The following SGPP2 variants were observed in gnomAD, a reference collection of about 807,000 sequenced individuals.
SGPP2 encodes the protein sphingosine 1-phosphate phosphohydrolase 2.
Under a neutral mutation model 33.9 loss-of-function variants are expected in SGPP2, and 30 were observed. The observed-to-expected ratio is 0.89, with a 90% confidence interval of 0.66 to 1.20. SGPP2 has a LOEUF of 1.20. Among genes scored for constraint, SGPP2 ranks in the 50% most tolerant of loss-of-function variants. The pLI is 0.00. For missense variants in SGPP2, 458 were observed against 532.1 expected (o/e 0.86, Z 1.37); for synonymous variants, 233 against 225.0 (o/e 1.04, Z -0.32).
At chr2:222,531,430 A>C (rs1574881353) in intron 4 of SGPP2, among the ~76,000 whole-genome samples, 1 of 152,224 alleles carries the variant, frequency 6.6e-6, no homozygotes, top group Non-Finnish European at 1.5e-5. Context: ...TCAGAAAAGG[A>C]AATCTTATAT....
chr2:222,498,534 G>A (rs1010698817), intron 2 of SGPP2: 1 of 151,728 alleles, frequency 6.6e-6, no homozygotes, highest in Admixed American at 6.6e-5. Context: ...CAAAACAAAT[G>A]TTGTATTCCG....
At chr2:222,505,256 T>C (rs908507236) in intron 2 of SGPP2, among the ~76,000 whole-genome samples, 4 of 152,188 alleles carry the variant, frequency 2.6e-5, no homozygotes, top group Non-Finnish European at 5.9e-5. Context: ...AAACTAGAGA[T>C]AATCGTATGA....
At chr2:222,553,961 C>T (rs1689343419) in intron 4 of SGPP2, among the ~76,000 whole-genome samples, 1 of 152,118 alleles carries the variant, frequency 6.6e-6, no homozygotes, top group South Asian at 2.1e-4. Flanking sequence ...AGAATGCCCT[C>T]AGAGCTTCAG....
chr2:222,447,647 A>G (rs942612925), intron 1 of SGPP2, among the ~76,000 whole-genome samples: 2 of 152,218 alleles, frequency 1.3e-5, no homozygotes, highest in Non-Finnish European at 2.9e-5. Flanking sequence ...AGAAAACCCT[A>G]TGAGAAGTGA....
intron 2 of SGPP2, among the ~76,000 whole-genome samples, chr2:222,518,308 A>G (rs886969566): frequency 6.6e-6 from 1 of 152,236 alleles, no homozygotes; most frequent in African/African-American, 2.4e-5. Context: ...AATGAAGACA[A>G]AGGAACTCAT....
At chr2:222,510,167 T>C (rs573979415) in intron 2 of SGPP2, among the ~76,000 whole-genome samples, 15 of 152,344 alleles carry the variant, frequency 9.8e-5, no homozygotes, top group Non-Finnish European at 1.6e-4. Context: ...AGAATGAGGC[T>C]ACCAAATGCT....
chr2:222,535,447 G>T (rs529642864), intron 4 of SGPP2, among the ~76,000 whole-genome samples: 1 of 151,976 alleles, frequency 6.6e-6, no homozygotes, highest in Non-Finnish European at 1.5e-5. Context: ...TGAATCCGCT[G>T]CTGGAAGGGC....
chr2:222,547,060 C>T (rs1427930866), intron 4 of SGPP2, among the ~76,000 whole-genome samples: 2 of 152,152 alleles, frequency 1.3e-5, no homozygotes, highest in Non-Finnish European at 2.9e-5. Context: ...GTTTGAAAAG[C>T]ACTGAAACAG....
In SGPP2 at chr2:222,559,395, A is replaced by G; in HGVS notation, c.*497A>G. The stretch of plus-strand genomic sequence containing the variant: ...AAAATGGGAACTTTGGTCTAGGAGA[A>G]GGGGTGGCACCATATGAAACGGCAT... On this transcript the variant is annotated 3_prime_UTR_variant, in exon 5 of 5. Coordinates refer to ENST00000321276, the MANE Select transcript of SGPP2 (RefSeq NM_152386.4). The G allele has an allele frequency of 6.1e-6, 1 of 162,736 alleles. No individual in the cohort carries two copies. The allele number at this position is 162,736 out of a possible 1,614,324, so 10.1% of individuals were successfully genotyped here. A position where few individuals can be genotyped will look rare whatever the true frequency, so the allele number is the denominator to read the frequency against.
intron 4 of SGPP2, among the ~76,000 whole-genome samples, chr2:222,541,245 A>T (rs73991491): frequency 0.024 from 3,615 of 152,348 alleles, 156 homozygotes; most frequent in African/African-American, 0.079. Flanking sequence ...GGAGTTGTGT[A>T]AGAAACGACC....
chr2:222,451,091 C>A (rs1393719245), intron 1 of SGPP2, among the ~76,000 whole-genome samples: 1 of 148,554 alleles, frequency 6.7e-6, no homozygotes, highest in Non-Finnish European at 1.5e-5. Context: ...TCCCCCATTT[C>A]TTTGCTTTTA....
chr2:222,520,722 GA>G (rs369507692), intron 2 of SGPP2, among the ~76,000 whole-genome samples: 496 of 39,700 alleles, frequency 0.012, 6 homozygotes, highest in African/African-American at 0.023. Context: ...GTGAGACTCT[GA>G]AAAAAAAAAA....
At position 222,525,022 on chromosome 2, in the gene SGPP2, C is replaced by A. The variant is rs1383983215; in HGVS notation, c.637C>A (p.His213Asn). 1 of 1,613,906 alleles carries A rather than the reference C, an allele frequency of 6.2e-7. No individual in the cohort carries two copies. Among genetic ancestry groups the A allele is most frequent in the Admixed American group, 1.7e-5 (1 of 60,012 alleles). Residue 213 changes from histidine to asparagine, a missense_variant, in exon 4 of 5, where the codon CAT becomes AAT. Physicochemically the swap from His to Asn is moderately conservative, Grantham distance 68 (BLOSUM62 1). Transcript: ENST00000321276. The part of the protein sequence containing the change: ...VCLSRLYTGM[H>N]TVLDVLGGVL... ...TCTCAGCAGGCTCTACACTGGGATG[C>A]ATACGGTCCTGGTAAGGCTTTGTGG...
chr2:222,484,995 C>T (rs1215909055), intron 2 of SGPP2, among the ~76,000 whole-genome samples: 5 of 152,160 alleles, frequency 3.3e-5, no homozygotes, highest in Non-Finnish European at 5.9e-5. Flanking sequence ...ACTGCCCCTC[C>T]GCTACATGTA....
chr2:222,507,890 T>C (rs58497071), intron 2 of SGPP2, among the ~76,000 whole-genome samples: 6,359 of 152,358 alleles, frequency 0.042, 424 homozygotes, highest in African/African-American at 0.14. Flanking sequence ...TGTCCTGTCA[T>C]GAACATTTAG....
At chr2:222,459,117 CT>C (rs1023109801) in intron 1 of SGPP2, among the ~76,000 whole-genome samples, 18 of 132,630 alleles carry the variant, frequency 1.4e-4, no homozygotes, top group East Asian at 2.1e-4. Flanking sequence ...AAAAGACACA[CT>C]TTTTTTTCTT....
chr2:222,464,479 G>GT (rs1241188565), intron 1 of SGPP2, among the ~76,000 whole-genome samples: 2 of 152,044 alleles, frequency 1.3e-5, no homozygotes, highest in Non-Finnish European at 2.9e-5. Flanking sequence ...AAGTACAGAG[G>GT]TTTTTTGTTC....
chr2:222,451,935 C>T (rs905460797), intron 1 of SGPP2, among the ~76,000 whole-genome samples: 1 of 151,992 alleles, frequency 6.6e-6, no homozygotes, highest in Non-Finnish European at 1.5e-5. Flanking sequence ...TCTCATGCAT[C>T]GATGCATTTA....
rs1246992826 is a variant in SGPP2 at position 222,562,480 on chromosome 2, AGCATGTGGTGTTTTG to A, written c.*3584_*3598del. Among the ~76,000 whole-genome samples the A allele has an allele frequency of 6.6e-6, 1 of 152,200 alleles. No individual in the cohort carries two copies. Among genetic ancestry groups the A allele is most frequent in the Admixed American group, 6.5e-5 (1 of 15,280 alleles). ...ACTCATGCTTCCTGAGTGTAATCAA[AGCATGTGGTGTTTTG>A]GGGCCATATGCACCAGGTTTCTATT... On this transcript the variant is annotated 3_prime_UTR_variant, in exon 5 of 5. Coordinates refer to ENST00000321276, the MANE Select transcript of SGPP2 (RefSeq NM_152386.4).
Sources: gnomAD v4.1 joint callset for allele counts (sites outside exome capture counted in the v4.1 genomes callset) on GRCh38, gnomAD v4.1.1 for gene constraint, MANE v1.5 for transcripts, NCBI Gene and HGNC (gene_info 2026-07-23, HGNC 2026-07-21) for gene names.